The following GABBR2 variants were observed in gnomAD, a reference collection of about 807,000 sequenced individuals.
The protein encoded by GABBR2 is G-protein coupled receptor 51.
GABBR2 carries 23 observed loss-of-function variants against 105.6 expected under a neutral mutation model. The ratio of observed to expected loss-of-function variants is 0.22; its 90% CI spans 0.16 to 0.31. The LOEUF (loss-of-function observed/expected upper bound fraction) is 0.31, where lower values mean the gene tolerates loss of function less well. Among genes scored for constraint, GABBR2 ranks in the 10% least tolerant of loss-of-function variants. The probability of loss-of-function intolerance (pLI) is 1.00; values close to 1 mark genes in which losing one functional copy is unlikely to be tolerated. For synonymous variants in GABBR2, 478 were observed against 499.7 expected, an observed-to-expected ratio of 0.96 and a Z score of 0.58; for missense variants, 734 against 1,245.5, an observed-to-expected ratio of 0.59 and a Z score of 6.18.
At chr9:98,400,815 C>T (rs529602181) in intron 8 of GABBR2, among the ~76,000 whole-genome samples, 5 of 152,244 alleles carry the variant, frequency 3.3e-5, no homozygotes, top group Admixed American at 2.0e-4. Context: ...CGGAGCAACA[C>T]GCATCTTGCA....
At chr9:98,685,434 T>C (rs914996887) in intron 1 of GABBR2, among the ~76,000 whole-genome samples, 1 of 152,222 alleles carries the variant, frequency 6.6e-6, no homozygotes, top group Non-Finnish European at 1.5e-5. Flanking sequence ...CCTTCATATA[T>C]ACATCTATCC....
intron 3 of GABBR2, among the ~76,000 whole-genome samples, chr9:98,503,699 C>T (rs1288514949): frequency 6.6e-6 from 1 of 152,140 alleles, no homozygotes; most frequent in East Asian, 1.9e-4. Flanking sequence ...TCCACTGTCC[C>T]CCACAGTTTC....
intron 13 of GABBR2, among the ~76,000 whole-genome samples, chr9:98,340,938 T>G (rs1020792803): frequency 1.3e-5 from 2 of 152,254 alleles, no homozygotes; most frequent in Non-Finnish European, 2.9e-5. Context: ...TCACACAAGT[T>G]TCCAATCATT....
intron 17 of GABBR2, among the ~76,000 whole-genome samples, chr9:98,294,928 G>A (rs1027567629): frequency 6.6e-6 from 1 of 152,120 alleles, no homozygotes; most frequent in Admixed American, 6.5e-5. Context: ...CTCTCTCTGT[G>A]CTTCAGGACC....
At chr9:98,537,607 T>TA (rs1474433281) in intron 3 of GABBR2, among the ~76,000 whole-genome samples, 2 of 146,010 alleles carry the variant, frequency 1.4e-5, no homozygotes, top group Non-Finnish European at 3.1e-5. Flanking sequence ...TTAATTTTTG[T>TA]ATTTTTTTTT....
chr9:98,578,122 C>T, intron 1 of GABBR2, 50 bp from the exon 2 acceptor site: 1 of 1,603,332 alleles, frequency 6.2e-7, no homozygotes, highest in Admixed American at 1.7e-5. Context: ...ACAGCTTTTC[C>T]CCAGGGGCAT....
chr9:98,447,149 C>T (rs1198932088), intron 7 of GABBR2, among the ~76,000 whole-genome samples: 2 of 113,048 alleles, frequency 1.8e-5, no homozygotes, highest in African/African-American at 6.4e-5. Flanking sequence ...GCAAGCTCCG[C>T]CTCCCGGGTT....
intron 4 of GABBR2, among the ~76,000 whole-genome samples, chr9:98,488,779 G>A (rs997407937): frequency 6.6e-6 from 1 of 152,134 alleles, no homozygotes; most frequent in Admixed American, 6.5e-5. Context: ...AGGCTATGCT[G>A]ACTGAGGAGT....
rs138979984 is a variant in GABBR2 at position 98,471,384 on chromosome 9, C to G, written c.999+1762G>C. On this transcript the variant is annotated intron_variant, in intron 6 of 18. Coordinates refer to ENST00000259455, the MANE Select transcript of GABBR2 (RefSeq NM_005458.8). ...AGACAGTGATGGGCAAGAGGTCAGC[C>G]TCTTCACCAATCCCGAATAAGAAAA... Among the ~76,000 whole-genome samples the G allele has an allele frequency of 4.6e-5, 7 of 152,304 alleles. No homozygotes were observed. In the South Asian group the frequency reaches 1.5e-3, roughly 32 times the overall value.
chr9:98,528,588 AC>A, intron 3 of GABBR2, among the ~76,000 whole-genome samples: 1 of 151,980 alleles, frequency 6.6e-6, no homozygotes, highest in African/African-American at 2.4e-5. Flanking sequence ...TGATACCCTT[AC>A]TTTATAAAGA....
intron 3 of GABBR2, among the ~76,000 whole-genome samples, chr9:98,498,138 C>A: frequency 6.8e-6 from 1 of 147,620 alleles, no homozygotes; most frequent in South Asian, 2.1e-4. Flanking sequence ...CACAAAAGGA[C>A]AAATATTGTA....
At chr9:98,474,044 T>C (rs1475825850) in intron 5 of GABBR2, among the ~76,000 whole-genome samples, 3 of 152,228 alleles carry the variant, frequency 2.0e-5, no homozygotes, top group Non-Finnish European at 4.4e-5. Context: ...ACAGAGTGTA[T>C]AAATTCAGAT....
At chr9:98,525,745 T>G (rs1827943975) in intron 3 of GABBR2, among the ~76,000 whole-genome samples, 1 of 152,214 alleles carries the variant, frequency 6.6e-6, no homozygotes, top group Admixed American at 6.5e-5. Context: ...TTCATAATAG[T>G]CAAAAGTAGA....
chr9:98,472,330 T>C (rs1313328632), intron 6 of GABBR2, among the ~76,000 whole-genome samples: 1 of 152,234 alleles, frequency 6.6e-6, no homozygotes, highest in African/African-American at 2.4e-5. Context: ...TTACATGTCC[T>C]ATATTACTTG....
chr9:98,675,538 TAGG>T (rs1420378154), intron 1 of GABBR2, among the ~76,000 whole-genome samples: 2 of 152,132 alleles, frequency 1.3e-5, no homozygotes, highest in Admixed American at 6.5e-5. Flanking sequence ...TCTGGAAAAC[TAGG>T]AGAACAAGCC....
chr9:98,398,645 G>C (rs1832336932), intron 8 of GABBR2, among the ~76,000 whole-genome samples: 1 of 152,014 alleles, frequency 6.6e-6, no homozygotes, highest in Admixed American at 6.5e-5. Flanking sequence ...TTGGAATCTG[G>C]CAACCATGGG....
At chr9:98,385,064 T>C (rs1420778228) in intron 11 of GABBR2, among the ~76,000 whole-genome samples, 1 of 152,196 alleles carries the variant, frequency 6.6e-6, no homozygotes, top group African/African-American at 2.4e-5. Context: ...GATGGGAGGA[T>C]CTGTTCCTTC....
intron 1 of GABBR2, among the ~76,000 whole-genome samples, chr9:98,636,263 A>C (rs1382898363): frequency 6.6e-6 from 1 of 152,192 alleles, no homozygotes; most frequent in African/African-American, 2.4e-5. Context: ...TTACCTCTGC[A>C]GGCAGAGCAG....
intron 1 of GABBR2, among the ~76,000 whole-genome samples, chr9:98,600,132 A>T (rs537295094): frequency 6.6e-6 from 1 of 152,300 alleles, no homozygotes; most frequent in East Asian, 1.9e-4. Context: ...AAGAAGAACA[A>T]GGAAGGGCTG....
Sources: allele counts gnomAD v4.1 joint callset (sites outside exome capture counted in the v4.1 genomes callset), GRCh38; gene constraint gnomAD v4.1.1; transcripts MANE v1.5; gene names NCBI Gene and HGNC (gene_info 2026-07-23, HGNC 2026-07-21).